CNKSR3: variants seen among roughly 807,000 people sequenced by gnomAD.
CNKSR3 encodes the protein CNKSR family member 3, also known as connector enhancer of kinase suppressor of ras 3.
In CNKSR3, 36 loss-of-function variants were observed where a neutral mutation model predicts 67.7. The ratio of observed to expected loss-of-function variants is 0.53; its 90% CI spans 0.41 to 0.70. CNKSR3 has a LOEUF of 0.70. Ranked by LOEUF, CNKSR3 falls within the 30% of genes least tolerant of loss-of-function variation. The pLI is 0.00. For synonymous variants in CNKSR3, 281 were observed against 271.4 expected (o/e 1.04, Z -0.35); for missense variants, 630 against 695.2 (o/e 0.91, Z 1.05).
chr6:154,442,560 T>G (rs1029133041), intron 2 of CNKSR3, among the ~76,000 whole-genome samples: 1 of 152,138 alleles, frequency 6.6e-6, no homozygotes, highest in Middle Eastern at 3.2e-3. Context: ...AGGCAGAGCT[T>G]GCAGTGAGCC....
intron 1 of CNKSR3, among the ~76,000 whole-genome samples, chr6:154,457,726 G>A (rs1175619019): frequency 6.6e-6 from 1 of 152,148 alleles, no homozygotes; most frequent in Admixed American, 6.5e-5. Flanking sequence ...CAATAACCTA[G>A]AAAGTGGTGG....
intron 8 of CNKSR3, 53 bp downstream of exon 8, chr6:154,422,862 G>A: frequency 4.2e-6 from 6 of 1,412,092 alleles, no homozygotes; most frequent in Non-Finnish European, 5.9e-6. Context: ...AATGGTTTTA[G>A]ATTTAATTAA....
Position 154,406,081 on chromosome 6 carries a change from G to T in CNKSR3, c.*273C>A, listed in dbSNP as rs1369714111. 4.8e-6 allele frequency: 2 copies of T among 413,752 alleles called. No homozygotes were observed. Among genetic ancestry groups the T allele is most frequent in the Non-Finnish European group, 8.7e-6 (2 of 228,988 alleles). The allele number at this position is 413,752 out of a possible 1,614,324, so 25.6% of individuals were successfully genotyped here. A position where few individuals can be genotyped will look rare whatever the true frequency, so the allele number is the denominator to read the frequency against. On this transcript the variant is annotated 3_prime_UTR_variant, in exon 13 of 13. Coordinates refer to ENST00000607772, the MANE Select transcript of CNKSR3 (RefSeq NM_173515.4). ...TGGCCAGGACTGCGATTTCTAGCGC[G>T]TGTCTTCACATTCTATCTCTGGGGA...
At chr6:154,418,206 AG>A (rs1373582578) in intron 9 of CNKSR3, among the ~76,000 whole-genome samples, 1 of 152,188 alleles carries the variant, frequency 6.6e-6, no homozygotes, top group African/African-American at 2.4e-5. Flanking sequence ...TGGCTCCACC[AG>A]GATGCTTCGT....
chr6:154,475,309 T>C (rs541314242), intron 1 of CNKSR3, among the ~76,000 whole-genome samples: 1 of 152,196 alleles, frequency 6.6e-6, no homozygotes, highest in South Asian at 2.1e-4. Flanking sequence ...ACCTCGTCCC[T>C]CCTGGCCACC....
rs1440143105 is a variant in CNKSR3 at position 154,388,886 on chromosome 6, G to C, written c.*17468C>G. 6.6e-6 allele frequency: 1 copy of C among 150,814 alleles called. No homozygotes were observed. Among genetic ancestry groups the C allele is most frequent in the East Asian group, 2.0e-4 (1 of 5,126 alleles). The allele number at this position is 150,814 out of a possible 1,614,324, so 9.3% of individuals were successfully genotyped here. A position where few individuals can be genotyped will look rare whatever the true frequency, so the allele number is the denominator to read the frequency against. ...GTGTCAACTAGCTTCTTTCATTGCT[G>C]TTCAAGATGCCAGAGCCCATGCTAT... On this transcript the variant is annotated 3_prime_UTR_variant, in exon 13 of 13. Transcript: ENST00000607772.
intron 4 of CNKSR3, among the ~76,000 whole-genome samples, chr6:154,434,806 G>C (rs1374280487): frequency 6.6e-6 from 1 of 152,130 alleles, no homozygotes; most frequent in Non-Finnish European, 1.5e-5. Context: ...CTCCAAATGT[G>C]CTTTTCCAAT....
intron 1 of CNKSR3, among the ~76,000 whole-genome samples, chr6:154,496,510 C>G (rs906627282): frequency 7.0e-6 from 1 of 142,232 alleles, no homozygotes; most frequent in Non-Finnish European, 1.6e-5. Context: ...GAGAATAAAG[C>G]CATCTTTCAT....
intron 7 of CNKSR3, among the ~76,000 whole-genome samples, chr6:154,426,056 A>C (rs1358064714): frequency 6.6e-6 from 1 of 152,216 alleles, no homozygotes; most frequent in East Asian, 1.9e-4. Flanking sequence ...AGTGTCTAGC[A>C]CATTCCAGGT....
chr6:154,407,730 G>A (rs1445414348), intron 12 of CNKSR3, among the ~76,000 whole-genome samples: 1 of 151,898 alleles, frequency 6.6e-6, no homozygotes, highest in African/African-American at 2.4e-5. Context: ...GGGATTAGAG[G>A]CATGAGCCAC....
At chr6:154,416,754 A>G (rs1479402956) in intron 9 of CNKSR3, among the ~76,000 whole-genome samples, 1 of 152,198 alleles carries the variant, frequency 6.6e-6, no homozygotes, top group Non-Finnish European at 1.5e-5. Flanking sequence ...AAGTCTGCAG[A>G]GTATTTGTCT....
chr6:154,500,025 T>C (rs551640327), intron 1 of CNKSR3, among the ~76,000 whole-genome samples: 1 of 152,252 alleles, frequency 6.6e-6, no homozygotes, highest in African/African-American at 2.4e-5. Flanking sequence ...TGTCATCTGC[T>C]CATGGTTAGT....
Position 154,403,160 on chromosome 6 carries a change from G to C in CNKSR3, c.*3194C>G, listed in dbSNP as rs1410353883. 1.3e-5 allele frequency: 2 copies of C among 152,040 alleles called. No homozygotes were observed. Among genetic ancestry groups the C allele is most frequent in the African/African-American group, 2.4e-5 (1 of 41,390 alleles). 9.4% of individuals were successfully genotyped at this position (152,040 alleles called of 1,614,324 possible). On this transcript the variant is annotated 3_prime_UTR_variant, in exon 13 of 13. Transcript: ENST00000607772. ...GGGGTAGGTGTTGAGTTGTGTCTGG[G>C]AGAGTTTTAACAATCACTCTTGTAA...
In CNKSR3 at chr6:154,392,269, A is replaced by G. The variant is rs1784616470; in HGVS notation, c.*14085T>C. 1 of 152,082 alleles carries G rather than the reference A, an allele frequency of 6.6e-6. No individual in the cohort carries two copies. Among genetic ancestry groups the G allele is most frequent in the Non-Finnish European group, 1.5e-5 (1 of 68,008 alleles). 9.4% of individuals were successfully genotyped at this position (152,082 alleles called of 1,614,324 possible). On this transcript the variant is annotated 3_prime_UTR_variant, in exon 13 of 13. Transcript: ENST00000607772. ...CTTCTGATGCTTTTTCCCACTCAGC[A>G]CTATATTAATAAAATCCATCTCTTT...
At chr6:154,436,202 C>T (rs1178726144) in intron 4 of CNKSR3, among the ~76,000 whole-genome samples, 5 of 152,240 alleles carry the variant, frequency 3.3e-5, no homozygotes, top group African/African-American at 1.2e-4. Context: ...CACAGGGTCT[C>T]ACTGTGTCAC....
intron 10 of CNKSR3, among the ~76,000 whole-genome samples, chr6:154,411,755 T>G (rs1041646483): frequency 3.3e-5 from 5 of 152,158 alleles, no homozygotes; most frequent in African/African-American, 1.2e-4. Flanking sequence ...AATATCCTAT[T>G]TACTACAGCA....
At chr6:154,497,747 G>A (rs1276846113) in intron 1 of CNKSR3, among the ~76,000 whole-genome samples, 1 of 152,204 alleles carries the variant, frequency 6.6e-6, no homozygotes, top group Non-Finnish European at 1.5e-5. Context: ...ATTCTCCTGT[G>A]TTTAAGAAGT....
chr6:154,472,395 A>G (rs1786348347), intron 1 of CNKSR3, among the ~76,000 whole-genome samples: 1 of 152,240 alleles, frequency 6.6e-6, no homozygotes, highest in Non-Finnish European at 1.5e-5. Context: ...TTAAATCTGA[A>G]GGTACTCCAC....
chr6:154,489,228 G>A (rs947046332), intron 1 of CNKSR3, among the ~76,000 whole-genome samples: 20 of 152,008 alleles, frequency 1.3e-4, no homozygotes, highest in East Asian at 5.8e-4. Context: ...TCAAGATTTC[G>A]GTGTAAAGTC....
Sources: allele counts gnomAD v4.1 joint callset (sites outside exome capture counted in the v4.1 genomes callset), GRCh38; gene constraint gnomAD v4.1.1; transcripts MANE v1.5; gene names NCBI Gene and HGNC (gene_info 2026-07-23, HGNC 2026-07-21).